The following ADAM11 variants were observed in gnomAD, a reference collection of about 807,000 sequenced individuals.
The protein encoded by ADAM11 is ADAM metallopeptidase domain 11, also known as disintegrin and metalloproteinase domain-containing protein 11.
Under a neutral mutation model 119.1 loss-of-function variants are expected in ADAM11, and 49 were observed. The observed-to-expected ratio is 0.41, with a 90% CI of 0.33 to 0.52. The LOEUF is 0.52. Ranked by LOEUF, ADAM11 falls within the 20% of genes least tolerant of loss-of-function variation. The pLI, the probability that ADAM11 is intolerant of heterozygous loss-of-function variation, is 0.20. For synonymous variants in ADAM11, 364 were observed against 408.0 expected (o/e 0.89, Z 1.30); for missense variants, 777 against 1,047.5 (o/e 0.74, Z 3.56).
At chr17:44,759,645 G>A in intron 1 of ADAM11, 77 bp from the exon 2 acceptor site, 1 of 1,308,330 alleles carries the variant, frequency 7.6e-7, no homozygotes, top group Non-Finnish European at 9.8e-7. Context: ...AGTGGGGGAT[G>A]AGGCATGCCC....
Position 44,777,519 on chromosome 17 carries a change from T to C in ADAM11, c.1819T>C (p.Ser607Pro). Residue 607 changes from serine (S) to proline (P), a missense_variant, in exon 22 of 27, where the codon TCT becomes CCT. Physicochemically the swap from Ser to Pro is moderately conservative, Grantham distance 74. This residue lies in a region of ADAM11 where 348 missense variants were observed against 486.7 expected (regional missense o/e 0.72). Transcript: ENST00000200557. The surrounding 1 kb of genome is among the most constrained non-coding windows in gnomAD (Gnocchi z 5.1). ...TGGCTTCCTCCTCTGTGTCAACATC[T>C]CTGGAGCTCCTCGGCTAGGGGACCT... The part of the protein sequence containing the change: ...LCGFLLCVNI[S>P]GAPRLGDLVG... 1 of 1,614,182 alleles carries C rather than the reference T, an allele frequency of 6.2e-7. No homozygotes were observed. Among genetic ancestry groups the C allele is most frequent in the East Asian group, 2.2e-5 (1 of 44,884 alleles).
At chr17:44,774,463 C>T in intron 12 of ADAM11, 29 bp from the exon 13 acceptor site, 1 of 1,608,394 alleles carries the variant, frequency 6.2e-7, no homozygotes, top group African/African-American at 1.3e-5. Context: ...AAGATGTAGA[C>T]ATCTGTGCCC....
Position 44,777,347 on chromosome 17 carries a change from A to C in ADAM11, c.1781+82A>C. The C allele has an allele frequency of 6.5e-7, 1 of 1,537,050 alleles. No individual in the cohort carries two copies. Among genetic ancestry groups the C allele is most frequent in the Non-Finnish European group, 8.9e-7 (1 of 1,125,224 alleles). On this transcript the variant is annotated intron_variant, in intron 21 of 26. Coordinates refer to ENST00000200557, the MANE Select transcript of ADAM11 (RefSeq NM_002390.6). This position sits in a 1 kb window ranked among gnomAD's most constrained non-coding sequence, Gnocchi z 5.1. ...CAGAGATGGGGCAGCAGGTTCTCCC[A>C]GGAGGAGCCTGTCAGTCCCAATGGG... is the stretch of plus-strand genomic sequence containing the variant.
rs139086551 is a variant in ADAM11 at position 44,759,837 on chromosome 17, G to A, written c.177G>A (p.Gly59=). 9.6e-5 allele frequency: 126 copies of A among 1,315,000 alleles called. No individual in the cohort carries two copies. The African/African-American group carries it at 1.8e-3, about 19-fold the overall frequency. 81.5% of individuals were successfully genotyped at this position (1,315,000 alleles called of 1,614,324 possible). A position where few individuals can be genotyped will look rare whatever the true frequency, so the allele number is the denominator to read the frequency against. Reference sequence around the variant, plus strand: ...GCCGTCTGGTTAGGGAGAGCTCCGGGGGAGAGGTCCGAAAGCAGCAGCTGG... The same window carrying A: ...GCCGTCTGGTTAGGGAGAGCTCCGGAGGAGAGGTCCGAAAGCAGCAGCTGG... ...EPSRLVRESS[G]GEVRKQQLDT... The change falls in exon 2 of 27, where the codon GGG becomes GGA. Residue 59 remains glycine (G), a synonymous_variant. Transcript: ENST00000200557.
chr17:44,765,887 T>C (rs1361853565), intron 2 of ADAM11, among the ~76,000 whole-genome samples: 1 of 152,206 alleles, frequency 6.6e-6, no homozygotes, highest in African/African-American at 2.4e-5. Context: ...CCTCCTAGGA[T>C]TACAGGCGTA....
rs1268565734 is a variant in ADAM11, at chr17:44,775,509, G to T, written c.1392+44G>T. On this transcript the variant is annotated intron_variant, in intron 16 of 26. Coordinates refer to ENST00000200557, the MANE Select transcript of ADAM11 (RefSeq NM_002390.6). The surrounding 1 kb of genome is among the most constrained non-coding windows in gnomAD (Gnocchi z 7.5). ...GCCAGGTGGGGAACCGGGATGCGGGGGTGGGCACGAGGGAGCGTCTGAGTG... is the reference window on the plus strand; with the variant it reads ...GCCAGGTGGGGAACCGGGATGCGGGTGTGGGCACGAGGGAGCGTCTGAGTG... 6.3e-7 allele frequency: 1 copy of T among 1,584,920 alleles called. No individual in the cohort carries two copies. Among genetic ancestry groups the T allele is most frequent in the African/African-American group, 1.3e-5 (1 of 74,660 alleles).
In ADAM11 at chr17:44,772,872, C is replaced by G; in HGVS notation, c.694C>G (p.Pro232Ala). The change falls in exon 9 of 27, where the codon CCT becomes GCT. Residue 232 changes from proline to alanine, a missense_variant. By Grantham distance (27) the Pro-to-Ala change is conservative. Transcript: ENST00000200557. The surrounding 1 kb of genome is among the most constrained non-coding windows in gnomAD (Gnocchi z 4.5). ...CACCCCCCAGGTCCGCCGGGGCCACCCTACAGTGCACAGTGAAACCAAGTA... is the reference window on the plus strand; with the variant it reads ...CACCCCCCAGGTCCGCCGGGGCCACGCTACAGTGCACAGTGAAACCAAGTA... ...RRKRQVRRGH[P>A]TVHSETKYVE... is the part of the protein sequence containing the mutation. 3 of 1,614,090 alleles carry G rather than the reference C, an allele frequency of 1.9e-6. No homozygotes were observed. The highest frequency in any genetic ancestry group is 2.5e-6 in the Non-Finnish European group (3 of 1,180,026).
In ADAM11 at chr17:44,773,214, G is replaced by T. The variant is rs1181448969; in HGVS notation, c.826-47G>T. ...ACAGACAGGCCCTCCTCCAGCCCTG[G>T]CCCCAACACCCACTCCCACCCTCCA... On this transcript the variant is annotated intron_variant, in intron 10 of 26. Transcript: ENST00000200557. This position sits in a 1 kb window ranked among gnomAD's most constrained non-coding sequence, Gnocchi z 4.6. The T allele has an allele frequency of 6.2e-7, 1 of 1,605,700 alleles. No homozygotes were observed. The highest frequency in any genetic ancestry group is 2.2e-5 in the East Asian group (1 of 44,706).
intron 2 of ADAM11, among the ~76,000 whole-genome samples, chr17:44,768,633 G>A (rs2049480658): frequency 6.6e-6 from 1 of 152,186 alleles, no homozygotes; most frequent in South Asian, 2.1e-4. Flanking sequence ...TTTAGACCAG[G>A]GCCCGGCACA....
rs754119100 is a variant in ADAM11, at chr17:44,770,488, T to TC, written c.381+451dup. On this transcript the variant is annotated intron_variant, in intron 4 of 26. Transcript: ENST00000200557. ...AATGAGTGTCTATAAATAGCCTGTCTCCCCCCCCCCCGCCCCCACTGCCTG... is the reference window on the plus strand; with the variant it reads ...AATGAGTGTCTATAAATAGCCTGTCTCCCCCCCCCCCCGCCCCCACTGCCTG... 5.4e-3 allele frequency among the ~76,000 whole-genome samples: 324 copies of TC among 60,172 alleles called. 1 individual carries two copies. Among genetic ancestry groups the TC allele is most frequent in the African/African-American group, 0.014 (263 of 18,752 alleles). 39.5% of individuals were successfully genotyped at this position (60,172 alleles called of 152,430 possible).
intron 4 of ADAM11, among the ~76,000 whole-genome samples, chr17:44,770,764 T>C (rs1261032715): frequency 6.6e-6 from 1 of 152,090 alleles, no homozygotes; most frequent in Admixed American, 6.5e-5. Flanking sequence ...ACATGGTAGG[T>C]GCTAAATAAA....
At chr17:44,765,610 CTTTTTTTTTTTTTTT>C (rs748123040) in intron 2 of ADAM11, among the ~76,000 whole-genome samples, 1 of 99,876 alleles carries the variant, frequency 1.0e-5, no homozygotes, top group Non-Finnish European at 1.8e-5. Context: ...TTTCTTTTCT[CTTTTTTTTTTTTTTT>C]TTTTTTTTGT....
In ADAM11 at chr17:44,773,792, T is replaced by C. The variant is rs2049561132; in HGVS notation, c.992+365T>C. Among the ~76,000 whole-genome samples, 1 of 152,230 alleles carries C rather than the reference T, an allele frequency of 6.6e-6. No homozygotes were observed. Among genetic ancestry groups the C allele is most frequent in the Non-Finnish European group, 1.5e-5 (1 of 68,030 alleles). On this transcript the variant is annotated intron_variant, in intron 11 of 26. Transcript: ENST00000200557. This position sits in a 1 kb window ranked among gnomAD's most constrained non-coding sequence, Gnocchi z 4.6. The stretch of plus-strand genomic sequence containing the variant: ...TACTGGGAGCCTCTCCTTTGCCTTA[T>C]GGGCAAAAGAACCCAAGGAGGGGCC...
At chr17:44,774,899 C>A in intron 14 of ADAM11, 150 bp downstream of exon 14, 1 of 1,045,126 alleles carries the variant, frequency 9.6e-7, no homozygotes, top group Non-Finnish European at 1.4e-6. Flanking sequence ...GCAAACACTG[C>A]CCCGGGAGAC....
At position 44,759,141 on chromosome 17, in the gene ADAM11, C is replaced by G. The variant is rs1460032739; in HGVS notation, c.-59C>G. The G allele has an allele frequency of 1.8e-6, 2 of 1,095,024 alleles. No homozygotes were observed. Among genetic ancestry groups the G allele is most frequent in the African/African-American group, 1.7e-5 (1 of 58,792 alleles). The allele number at this position is 1,095,024 out of a possible 1,614,324, so 67.8% of individuals were successfully genotyped here. A position where few individuals can be genotyped will look rare whatever the true frequency, so the allele number is the denominator to read the frequency against. On this transcript the variant is annotated 5_prime_UTR_variant, in exon 1 of 27. Transcript: ENST00000200557. ...GCGCCTCCCCACCCCCGTCCCTGCT[C>G]CCGCCCTCCCCGCGCCGCTGGCAGC... is the stretch of plus-strand genomic sequence containing the variant.
intron 25 of ADAM11, 78 bp downstream of exon 25, chr17:44,778,320 C>A (rs1305618988): frequency 2.8e-6 from 4 of 1,429,020 alleles, no homozygotes; most frequent in African/African-American, 2.8e-5. Context: ...GCTGAGGGGG[C>A]CCTCCCTGAA....
rs1262135400 is a variant in ADAM11 at position 44,769,719 on chromosome 17, C to A, written c.239C>A (p.Pro80His). The A allele has an allele frequency of 1.2e-6, 2 of 1,610,990 alleles. No homozygotes were observed. Among genetic ancestry groups the A allele is most frequent in the Admixed American group, 1.7e-5 (1 of 59,996 alleles). The stretch of plus-strand genomic sequence containing the variant: ...CCCCTCTGCCCTCCCCCCACCCAGC[C>A]TGTCCATCTGGCCCAGGTGAGTTTC... ...RVRQEPPGGP[P>H]VHLAQVSFVI... Residue 80 changes from proline to histidine, a missense_variant and splice_region_variant, in exon 3 of 27, where the codon CCT becomes CAT. Physicochemically the swap from Pro to His is moderately conservative, Grantham distance 77. Around this residue, in one of 4 missense-constraint regions of ADAM11, gnomAD observed 278 missense variants for 310.1 expected, o/e 0.90. Coordinates refer to ENST00000200557, the MANE Select transcript of ADAM11 (RefSeq NM_002390.6).
In ADAM11 at chr17:44,769,919, C is replaced by T. The variant is rs530926987; in HGVS notation, c.315-63C>T. Reference sequence around the variant, plus strand: ...AGGGGACCTGGGTCCTGACCTGAGGCGAGCCTCAAGCCCGACCTCACCTCG... The same window carrying T: ...AGGGGACCTGGGTCCTGACCTGAGGTGAGCCTCAAGCCCGACCTCACCTCG... On this transcript the variant is annotated intron_variant, in intron 3 of 26. Coordinates refer to ENST00000200557, the MANE Select transcript of ADAM11 (RefSeq NM_002390.6). 5.4e-5 allele frequency: 87 copies of T among 1,608,370 alleles called. No individual in the cohort carries two copies. The African/African-American group carries it at 5.5e-4, about 10-fold the overall frequency.
rs72428475 is a variant in ADAM11, at chr17:44,767,354, C to CAA, written c.238-2342_238-2341dup. Among the ~76,000 whole-genome samples, 554 of 55,990 alleles carry CAA rather than the reference C, an allele frequency of 9.9e-3. 9 individuals are homozygous for CAA. Among genetic ancestry groups the CAA allele is most frequent in the African/African-American group, 0.027 (383 of 13,930 alleles). 36.7% of individuals were successfully genotyped at this position (55,990 alleles called of 152,430 possible). On this transcript the variant is annotated intron_variant, in intron 2 of 26. Transcript: ENST00000200557. ...TGGGTGATAGAGTGAGACTCCATCT[C>CAA]AAAAAAAAAAAAAAAAAAAAAAAGA...
Sources: gnomAD v4.1 joint callset for allele counts (sites outside exome capture counted in the v4.1 genomes callset) on GRCh38, gnomAD v4.1.1 for gene constraint, gnomAD v4.1.1 regional missense constraint, Gnocchi (gnomAD v3.1) non-coding constraint, MANE v1.5 for transcripts, NCBI Gene and HGNC (gene_info 2026-07-23, HGNC 2026-07-21) for gene names.